Variants in MYO16 observed in about 807,000 individuals in gnomAD.
MYO16 encodes the protein myosin XVI.
MYO16 carries 94 observed loss-of-function variants against 205.3 expected under a neutral mutation model. The ratio of observed to expected loss-of-function variants is 0.46; its 90% confidence interval spans 0.39 to 0.54. The LOEUF (loss-of-function observed/expected upper bound fraction) is 0.54. Among genes scored for constraint, MYO16 ranks in the 20% least tolerant of loss-of-function variants. MYO16 has a pLI of 0.00. For synonymous variants in MYO16, 988 were observed against 954.0 expected, an observed-to-expected ratio of 1.04 and a Z score of -0.66; for missense variants, 2,315 against 2,387.5, an observed-to-expected ratio of 0.97 and a Z score of 0.63.
At chr13:108,673,812 G>A (rs777389568) in intron 2 of MYO16, among the ~76,000 whole-genome samples, 4 of 151,974 alleles carry the variant, frequency 2.6e-5, no homozygotes, top group Non-Finnish European at 5.9e-5. Flanking sequence ...ATTAATTGTC[G>A]TGTTCAAAGC....
At chr13:108,795,735 A>C (rs1310301355) in intron 6 of MYO16, among the ~76,000 whole-genome samples, 1 of 152,224 alleles carries the variant, frequency 6.6e-6, no homozygotes, top group East Asian at 1.9e-4. Context: ...ATAGTGACCA[A>C]AATTCTTTTG....
chr13:109,063,720 T>C (rs1887658841), intron 27 of MYO16, among the ~76,000 whole-genome samples: 1 of 152,206 alleles, frequency 6.6e-6, no homozygotes, highest in African/African-American at 2.4e-5. Context: ...TTGGTGTCAA[T>C]AGGCAGCAAA....
the MYO16 span, among the ~76,000 whole-genome samples, chr13:108,559,470 C>CTTTTTTTTTTTTTTTTTTTTTTTT: frequency 1.1e-4 from 10 of 87,416 alleles, no homozygotes; most frequent in East Asian, 7.0e-4. Flanking sequence ...TTTTTCTTTT[C>CTTTTTTTTTTTTTTTTTTTTTTTT]TTTTTTTTTT....
chr13:109,168,394 C>G (rs1013953644), intron 33 of MYO16, among the ~76,000 whole-genome samples: 4 of 152,006 alleles, frequency 2.6e-5, no homozygotes, highest in African/African-American at 9.7e-5. Flanking sequence ...TATTAAAAAG[C>G]AGCAAAAACA....
At chr13:109,094,354 G>C (rs887956121) in intron 27 of MYO16, among the ~76,000 whole-genome samples, 1 of 151,916 alleles carries the variant, frequency 6.6e-6, no homozygotes, top group African/African-American at 2.4e-5. Flanking sequence ...GGCAATATAG[G>C]TTTGTGCCAC....
At chr13:108,606,816 C>A (rs185951600) in intron 1 of MYO16, among the ~76,000 whole-genome samples, 1 of 152,130 alleles carries the variant, frequency 6.6e-6, no homozygotes, top group Non-Finnish European at 1.5e-5. Context: ...AACAGACACT[C>A]AGTGCCAGCC....
intron 4 of MYO16, among the ~76,000 whole-genome samples, chr13:108,754,288 AACAAGCTGTAGCATGCAGG>A (rs1388787440): frequency 2.0e-5 from 3 of 152,056 alleles, no homozygotes; most frequent in Admixed American, 6.5e-5. Context: ...TAGCATGAAG[AACAAGCTGTAGCATGCAGG>A]ACAAGCTGTA....
At chr13:109,010,136 G>C (rs1002293401) in intron 22 of MYO16, among the ~76,000 whole-genome samples, 18 of 152,158 alleles carry the variant, frequency 1.2e-4, no homozygotes, top group African/African-American at 4.3e-4. Context: ...CAAGTGTCTA[G>C]TACATTTTGT....
At chr13:109,049,200 G>A (rs538594995) in intron 24 of MYO16, among the ~76,000 whole-genome samples, 61 of 151,268 alleles carry the variant, frequency 4.0e-4, no homozygotes, top group Admixed American at 3.2e-3. Flanking sequence ...GGACACTTCC[G>A]CTCTCAGTAT....
At chr13:108,819,905 TATGGC>T (rs1875871774) in intron 7 of MYO16, among the ~76,000 whole-genome samples, 1 of 152,188 alleles carries the variant, frequency 6.6e-6, no homozygotes, top group Admixed American at 6.5e-5. Context: ...CGGGTTATAT[TATGGC>T]ATATAGTCTA....
chr13:109,105,794 T>A (rs1889107604), intron 28 of MYO16, among the ~76,000 whole-genome samples: 2 of 152,360 alleles, frequency 1.3e-5, no homozygotes, highest in African/African-American at 4.8e-5. Context: ...CTCAAAGGAA[T>A]CTTGTGCCCT....
intron 28 of MYO16, among the ~76,000 whole-genome samples, chr13:109,119,231 C>T (rs961866114): frequency 1.3e-5 from 2 of 152,160 alleles, no homozygotes; most frequent in African/African-American, 4.8e-5. Flanking sequence ...TGTGTACACA[C>T]GTGCCAGCGT....
chr13:108,710,540 C>T (rs1206778115), intron 2 of MYO16, among the ~76,000 whole-genome samples: 1 of 152,110 alleles, frequency 6.6e-6, no homozygotes, highest in Non-Finnish European at 1.5e-5. Flanking sequence ...ATTTATTGAT[C>T]CTTAAGAAGT....
chr13:108,879,190 G>A (rs573108311), intron 12 of MYO16, among the ~76,000 whole-genome samples: 2 of 152,284 alleles, frequency 1.3e-5, no homozygotes, highest in African/African-American at 4.8e-5. Context: ...TGTACTTGAT[G>A]TAAGTGAAGA....
chr13:109,105,709 G>T (rs1298804403), intron 28 of MYO16, among the ~76,000 whole-genome samples: 1 of 152,176 alleles, frequency 6.6e-6, no homozygotes, highest in East Asian at 1.9e-4. Flanking sequence ...AAGTCACACT[G>T]CATTTTGCAC....
chr13:109,141,160 C>G lies in MYO16; in HGVS notation c.4948C>G (p.Pro1650Ala), dbSNP rs1371326307. The G allele has an allele frequency of 6.2e-7, 1 of 1,605,814 alleles. No homozygotes were observed. The highest frequency in any genetic ancestry group is 1.1e-5 in the South Asian group (1 of 90,658). Residue 1650 changes from proline (P) to alanine (A), a missense_variant, in exon 32 of 35, where the codon CCC becomes GCC. By Grantham distance (27) the Pro-to-Ala change is conservative. Transcript: ENST00000457511. The surrounding 1 kb of genome is among the most constrained non-coding windows in gnomAD (Gnocchi z 4.1). ...PKPNSAPVAGPCSSFPKIPYS... is the reference protein window; with the variant it reads ...PKPNSAPVAGACSSFPKIPYS... ...GCCAAACTCTGCCCCCGTGGCCGGGCCCTGCAGCTCCTTCCCCAAGATCCC... is the reference window on the plus strand; with the variant it reads ...GCCAAACTCTGCCCCCGTGGCCGGGGCCTGCAGCTCCTTCCCCAAGATCCC...
At chr13:108,531,581 G>A in the MYO16 span, among the ~76,000 whole-genome samples, 1 of 151,838 alleles carries the variant, frequency 6.6e-6, no homozygotes, top group African/African-American at 2.4e-5. Context: ...ACTGAGACAG[G>A]AAACATGAAA....
chr13:108,586,362 T>C, the MYO16 span, among the ~76,000 whole-genome samples: 3 of 152,188 alleles, frequency 2.0e-5, no homozygotes, highest in East Asian at 5.8e-4. Flanking sequence ...AATATATTTT[T>C]TCAGAACCTT....
chr13:108,684,501 T>C (rs987594148), intron 2 of MYO16, among the ~76,000 whole-genome samples: 2 of 152,192 alleles, frequency 1.3e-5, no homozygotes, highest in Non-Finnish European at 2.9e-5. Context: ...TCTGTGGATC[T>C]GTATATATAT....
Sources: allele counts gnomAD v4.1 joint callset (sites outside exome capture counted in the v4.1 genomes callset), GRCh38; gene constraint gnomAD v4.1.1; non-coding constraint Gnocchi (gnomAD v3.1); transcripts MANE v1.5; gene names NCBI Gene and HGNC (gene_info 2026-07-23, HGNC 2026-07-21).